ADAM22: variants seen among roughly 807,000 people sequenced by gnomAD.
ADAM22 encodes ADAM metallopeptidase domain 22.
A neutral mutation model predicts 144.6 loss-of-function variants in ADAM22; 65 were observed. That is an observed-to-expected ratio of 0.45 (90% confidence interval 0.37 to 0.55). The LOEUF (loss-of-function observed/expected upper bound fraction) is 0.55. Ranked by LOEUF, ADAM22 falls within the 20% of genes least tolerant of loss-of-function variation. The pLI, the probability that ADAM22 is intolerant of heterozygous loss-of-function variation, is 0.00. For missense variants in ADAM22, 974 were observed against 1,184.9 expected, an observed-to-expected ratio of 0.82 and a Z score of 2.61; for synonymous variants, 391 against 412.6, an observed-to-expected ratio of 0.95 and a Z score of 0.63.
intron 3 of ADAM22, among the ~76,000 whole-genome samples, chr7:88,020,753 G>A (rs186941873): frequency 3.9e-5 from 6 of 152,222 alleles, no homozygotes; most frequent in Non-Finnish European, 4.4e-5. Flanking sequence ...TATGTATTTT[G>A]TATTCACATA....
intron 22 of ADAM22, among the ~76,000 whole-genome samples, chr7:88,156,738 A>C (rs1240776730): frequency 2.0e-5 from 3 of 152,108 alleles, no homozygotes; most frequent in African/African-American, 4.8e-5. Flanking sequence ...GGAGCTTTAT[A>C]CTCTATAGAG....
At chr7:88,085,357 T>A (rs766314583) in intron 4 of ADAM22, among the ~76,000 whole-genome samples, 21 of 152,242 alleles carry the variant, frequency 1.4e-4, no homozygotes, top group South Asian at 8.3e-4. Context: ...TAGAAACCAG[T>A]TGATAAATGG....
intron 3 of ADAM22, among the ~76,000 whole-genome samples, chr7:88,028,657 T>G (rs1799556218): frequency 6.6e-6 from 1 of 152,008 alleles, no homozygotes; most frequent in Non-Finnish European, 1.5e-5. Context: ...TATATCTGGG[T>G]GCACCAATGT....
chr7:88,042,231 A>T (rs999246372), intron 3 of ADAM22, among the ~76,000 whole-genome samples: 2 of 152,078 alleles, frequency 1.3e-5, no homozygotes, highest in Non-Finnish European at 2.9e-5. Flanking sequence ...AGTAGGCCAT[A>T]AGAAAGATTC....
chr7:87,967,340 C>T (rs1468915853), intron 2 of ADAM22, among the ~76,000 whole-genome samples: 4 of 152,186 alleles, frequency 2.6e-5, no homozygotes, highest in African/African-American at 7.2e-5. Flanking sequence ...ATTGGCCATA[C>T]TTTAGACTCA....
intron 3 of ADAM22, among the ~76,000 whole-genome samples, chr7:88,018,883 G>T (rs1301363165): frequency 6.6e-6 from 1 of 152,136 alleles, no homozygotes; most frequent in Non-Finnish European, 1.5e-5. Flanking sequence ...ACTGAATATA[G>T]TAATGTTTAC....
At chr7:88,046,929 G>T (rs1343422299) in intron 3 of ADAM22, among the ~76,000 whole-genome samples, 1 of 151,592 alleles carries the variant, frequency 6.6e-6, no homozygotes, top group Admixed American at 6.6e-5. Flanking sequence ...ATTAATAGTG[G>T]AATGTGGTTG....
intron 3 of ADAM22, among the ~76,000 whole-genome samples, chr7:87,994,085 C>A (rs1220404352): frequency 2.0e-5 from 3 of 152,054 alleles, no homozygotes; most frequent in East Asian, 1.9e-4. Context: ...ACACTAAAAA[C>A]CCTCTTTTTA....
chr7:88,076,695 T>C (rs1195244915), intron 4 of ADAM22, among the ~76,000 whole-genome samples: 1 of 152,056 alleles, frequency 6.6e-6, no homozygotes, highest in Non-Finnish European at 1.5e-5. Flanking sequence ...AATGTGGCGG[T>C]TTTCCCCCAG....
intron 4 of ADAM22, among the ~76,000 whole-genome samples, chr7:88,080,307 A>C (rs1469046884): frequency 2.0e-5 from 3 of 152,204 alleles, no homozygotes; most frequent in Admixed American, 2.0e-4. Context: ...ACGAGAACAA[A>C]GATACAACAT....
intron 4 of ADAM22, among the ~76,000 whole-genome samples, chr7:88,107,027 G>C (rs1824569175): frequency 6.6e-6 from 1 of 151,920 alleles, no homozygotes; most frequent in Admixed American, 6.6e-5. Context: ...AGCCATTGCT[G>C]GTTTCAGAAA....
At position 88,179,136 on chromosome 7, in the gene ADAM22, T is replaced by C. The variant is rs769808170; in HGVS notation, c.2495+7T>C. The C allele has an allele frequency of 4.0e-6, 4 of 1,005,104 alleles. No individual in the cohort carries two copies. The highest frequency in any genetic ancestry group is 6.2e-6 in the Non-Finnish European group (4 of 646,050). 62.3% of individuals were successfully genotyped at this position (1,005,104 alleles called of 1,614,324 possible). ...TTTCATTATTTTGCAGCAGGTTTGATTACTTCTTCCTTCTTTCTTGAATGT... is the reference window on the plus strand; with the variant it reads ...TTTCATTATTTTGCAGCAGGTTTGACTACTTCTTCCTTCTTTCTTGAATGT... On this transcript the variant is annotated splice_region_variant and intron_variant, in intron 27 of 31. Coordinates refer to ENST00000413139, the MANE Select transcript of ADAM22 (RefSeq NM_001324418.2).
chr7:88,005,662 C>G (rs1232705708), intron 3 of ADAM22, among the ~76,000 whole-genome samples: 1 of 152,038 alleles, frequency 6.6e-6, no homozygotes, highest in Non-Finnish European at 1.5e-5. Context: ...CTAAATCTGT[C>G]ACATTAACCG....
At chr7:88,020,297 C>T (rs1411605471) in intron 3 of ADAM22, among the ~76,000 whole-genome samples, 1 of 152,140 alleles carries the variant, frequency 6.6e-6, no homozygotes, top group African/African-American at 2.4e-5. Context: ...CCAGAACCAC[C>T]ATCTCTTTCC....
chr7:88,080,258 A>G (rs1279093220), intron 4 of ADAM22, among the ~76,000 whole-genome samples: 1 of 152,206 alleles, frequency 6.6e-6, no homozygotes, highest in Non-Finnish European at 1.5e-5. Flanking sequence ...TGGGTACATA[A>G]TGAAATGAAG....
chr7:88,009,598 A>AT (rs1329421709), intron 3 of ADAM22, among the ~76,000 whole-genome samples: 2 of 116,314 alleles, frequency 1.7e-5, no homozygotes, highest in African/African-American at 6.3e-5. Flanking sequence ...TGCTATTCTA[A>AT]TAAAAAAAAG....
chr7:88,000,014 A>G (rs1283768540), intron 3 of ADAM22, among the ~76,000 whole-genome samples: 1 of 152,072 alleles, frequency 6.6e-6, no homozygotes, highest in African/African-American at 2.4e-5. Context: ...ATTATTTGCC[A>G]TAAAATTCCA....
At chr7:87,983,698 G>A (rs1854265374) in intron 3 of ADAM22, among the ~76,000 whole-genome samples, 1 of 151,808 alleles carries the variant, frequency 6.6e-6, no homozygotes, top group South Asian at 2.1e-4. Context: ...GGTGATAATA[G>A]CATTTTTATC....
At chr7:88,016,505 G>T (rs572173951) in intron 3 of ADAM22, among the ~76,000 whole-genome samples, 87 of 152,178 alleles carry the variant, frequency 5.7e-4, no homozygotes, top group African/African-American at 1.9e-3. Flanking sequence ...TTATTAATGC[G>T]TACCTTATAA....
Sources: gnomAD v4.1 joint callset for allele counts (sites outside exome capture counted in the v4.1 genomes callset) on GRCh38, gnomAD v4.1.1 for gene constraint, MANE v1.5 for transcripts, NCBI Gene and HGNC (gene_info 2026-07-23, HGNC 2026-07-21) for gene names.